The following ASIC5 variants were observed in gnomAD, a reference collection of about 807,000 sequenced individuals.
ASIC5 encodes the protein bile acid-sensitive ion channel.
A neutral mutation model predicts 51.2 loss-of-function variants in ASIC5; 52 were observed. That is an observed-to-expected ratio of 1.02 (90% CI 0.81 to 1.28). ASIC5 has a LOEUF of 1.28. Among genes scored for constraint, ASIC5 ranks in the 50% most tolerant of loss-of-function variants. The pLI is 0.00. For synonymous variants in ASIC5, 231 were observed against 200.7 expected (o/e 1.15, Z -1.28); for missense variants, 635 against 595.0 (o/e 1.07, Z -0.70).
rs1437487835 is a variant in ASIC5, at chr4:155,854,332, G to A, written c.348-18C>T. ...TTTGGAACCTATTAGCAGGAATGAA[G>A]GCAATAGTTAGAATAATGAAAACTT... On this transcript the variant is annotated intron_variant, in intron 2 of 9. Coordinates refer to ENST00000537611, the MANE Select transcript of ASIC5 (RefSeq NM_017419.3). The A allele has an allele frequency of 2.0e-6, 3 of 1,466,922 alleles. No homozygotes were observed. Among genetic ancestry groups the A allele is most frequent in the East Asian group, 2.3e-5 (1 of 44,020 alleles). 90.9% of individuals were successfully genotyped at this position (1,466,922 alleles called of 1,614,324 possible).
Position 155,837,911 on chromosome 4 carries a change from G to GT in ASIC5, c.1066+901dup, listed in dbSNP as rs545336979. 2.0e-4 allele frequency among the ~76,000 whole-genome samples: 31 copies of GT among 151,982 alleles called. No homozygotes were observed. The East Asian group carries it at 3.9e-3, about 19-fold the overall frequency. On this transcript the variant is annotated intron_variant, in intron 7 of 9. Coordinates refer to ENST00000537611, the MANE Select transcript of ASIC5 (RefSeq NM_017419.3). ...CAGTCCCCGCTAAACTGCATGCATGGTTTTTTTCCCCAAGCTCTCCCTCCA... is the reference window on the plus strand; with the variant it reads ...CAGTCCCCGCTAAACTGCATGCATGGTTTTTTTTCCCCAAGCTCTCCCTCCA...
chr4:155,855,900 C>T (rs1348002032), intron 2 of ASIC5, among the ~76,000 whole-genome samples: 9 of 151,870 alleles, frequency 5.9e-5, no homozygotes, highest in East Asian at 1.9e-4. Flanking sequence ...TTAATGCAGC[C>T]GGGCCTCCTC....
rs767121626 is a variant in ASIC5, at chr4:155,866,263, C to T, written c.-37G>A. The stretch of plus-strand genomic sequence containing the variant: ...GTTAAGCAAGAGTCCTCAGGGTAAC[C>T]CAATTTTCATCAATAACAGTATTCA... On this transcript the variant is annotated 5_prime_UTR_variant, in exon 1 of 10. Transcript: ENST00000537611. 1 of 1,528,288 alleles carries T rather than the reference C, an allele frequency of 6.5e-7. No individual in the cohort carries two copies. The highest frequency in any genetic ancestry group is 9.0e-7 in the Non-Finnish European group (1 of 1,107,324). 94.7% of individuals were successfully genotyped at this position (1,528,288 alleles called of 1,614,324 possible).
intron 2 of ASIC5, among the ~76,000 whole-genome samples, chr4:155,859,467 C>A (rs1270674266): frequency 1.3e-5 from 2 of 151,996 alleles, no homozygotes; most frequent in Middle Eastern, 3.4e-3. Flanking sequence ...GAAAAGTAAA[C>A]CCTTTCTTAT....
chr4:155,863,051 C>T (rs1741754526), intron 2 of ASIC5, among the ~76,000 whole-genome samples: 1 of 152,098 alleles, frequency 6.6e-6, no homozygotes, highest in African/African-American at 2.4e-5. Context: ...GGGATCAAGA[C>T]TTTACATCTG....
chr4:155,849,464 G>T (rs1479669525), intron 4 of ASIC5, among the ~76,000 whole-genome samples: 2 of 151,910 alleles, frequency 1.3e-5, no homozygotes, highest in Non-Finnish European at 1.5e-5. Context: ...AAATAATTTG[G>T]CAAAGTAAAA....
intron 4 of ASIC5, among the ~76,000 whole-genome samples, chr4:155,851,287 G>C (rs1741376973): frequency 6.6e-6 from 1 of 152,008 alleles, no homozygotes; most frequent in South Asian, 2.1e-4. Context: ...AAAGTTTGCA[G>C]TGTTATGTTT....
intron 8 of ASIC5, among the ~76,000 whole-genome samples, chr4:155,833,350 T>G (rs558582537): frequency 2.0e-5 from 3 of 152,296 alleles, no homozygotes; most frequent in Middle Eastern, 3.4e-3. Flanking sequence ...TTCCTAGAAT[T>G]ATGTGGTGAT....
At chr4:155,850,096 C>G (rs994250297) in intron 4 of ASIC5, among the ~76,000 whole-genome samples, 4 of 151,222 alleles carry the variant, frequency 2.6e-5, no homozygotes, top group African/African-American at 9.7e-5. Flanking sequence ...TCCTAAAATG[C>G]TTTCTCCTAA....
intron 2 of ASIC5, among the ~76,000 whole-genome samples, chr4:155,862,676 G>A (rs1307401473): frequency 6.6e-6 from 1 of 152,128 alleles, no homozygotes; most frequent in Non-Finnish European, 1.5e-5. Flanking sequence ...TGGCAGTAGA[G>A]CATTGAATCA....
rs28803601 is a variant in ASIC5, at chr4:155,846,964, G to A, written c.712-3134C>T. ...GGTAAGAAGAACAAGCAAACAAAAA[G>A]AGATGTAAAGAAAGCTATAAAAATA... On this transcript the variant is annotated intron_variant, in intron 4 of 9. Transcript: ENST00000537611. 5.5e-3 allele frequency among the ~76,000 whole-genome samples: 837 copies of A among 152,086 alleles called. 12 individuals carry two copies. The highest frequency in any genetic ancestry group is 0.019 in the African/African-American group (798 of 41,526).
chr4:155,858,636 TGGAGACACA>T (rs146868546), intron 2 of ASIC5, among the ~76,000 whole-genome samples: 50 of 152,198 alleles, frequency 3.3e-4, no homozygotes, highest in Non-Finnish European at 6.9e-4. Flanking sequence ...TAAGAGGGTT[TGGAGACACA>T]ATATTTAAAG....
intron 6 of ASIC5, among the ~76,000 whole-genome samples, chr4:155,840,356 A>C (rs1514013): frequency 0.98 from 146,873 of 150,514 alleles, 71,695 homozygotes; most frequent in East Asian, 1. Flanking sequence ...TGTGATGATT[A>C]TGGAAACCTC....
At chr4:155,853,985 C>A in intron 3 of ASIC5, 92 bp downstream of exon 3, 1 of 955,820 alleles carries the variant, frequency 1.0e-6, no homozygotes, top group East Asian at 2.4e-5. Context: ...ATTGATTCAC[C>A]ATGGGAGTAA....
chr4:155,851,955 G>A (rs1263989558), intron 4 of ASIC5, among the ~76,000 whole-genome samples: 1 of 151,958 alleles, frequency 6.6e-6, no homozygotes, highest in Non-Finnish European at 1.5e-5. Context: ...ATTCCCTGGA[G>A]TCAATAATTT....
At chr4:155,832,434 T>C (rs1269422704) in intron 8 of ASIC5, among the ~76,000 whole-genome samples, 1 of 152,198 alleles carries the variant, frequency 6.6e-6, no homozygotes, top group Non-Finnish European at 1.5e-5. Flanking sequence ...TATGTGTCAT[T>C]AATATACCTA....
intron 4 of ASIC5, among the ~76,000 whole-genome samples, chr4:155,846,090 T>A (rs2111245019): frequency 6.6e-6 from 1 of 151,502 alleles, no homozygotes; most frequent in Non-Finnish European, 1.5e-5. Flanking sequence ...AGTGTTTAAA[T>A]CATATATTTT....
intron 4 of ASIC5, 141 bp downstream of exon 4, chr4:155,852,050 C>T: frequency 2.1e-6 from 2 of 951,814 alleles, no homozygotes; most frequent in East Asian, 2.8e-5. Context: ...ATATAAAATC[C>T]ATAGGAGTCT....
At position 155,833,651 on chromosome 4, in the gene ASIC5, C is replaced by A. The variant is rs113962652; in HGVS notation, c.1236-1736G>T. On this transcript the variant is annotated intron_variant, in intron 8 of 9. Coordinates refer to ENST00000537611, the MANE Select transcript of ASIC5 (RefSeq NM_017419.3). ...TCCAATCTCTTTGTCCCCCATTGTG[C>A]TCCTAATTTGCATGTGCACTGATAA... Among the ~76,000 whole-genome samples the A allele has an allele frequency of 1.6e-3, 240 of 152,290 alleles. 1 individual carries two copies. The highest frequency in any genetic ancestry group is 2.8e-3 in the Non-Finnish European group (191 of 68,026).
Sources: allele counts gnomAD v4.1 joint callset (sites outside exome capture counted in the v4.1 genomes callset), GRCh38; gene constraint gnomAD v4.1.1; transcripts MANE v1.5; gene names NCBI Gene and HGNC (gene_info 2026-07-23, HGNC 2026-07-21).